The following LGSN variants were observed in gnomAD, a reference collection of about 807,000 sequenced individuals.
LGSN encodes the protein lengsin, lens protein with glutamine synthetase domain.
LGSN carries 21 observed loss-of-function variants against 19.5 expected under a neutral mutation model. The observed-to-expected ratio is 1.07, with a 90% CI of 0.76 to 1.55. The LOEUF (loss-of-function observed/expected upper bound fraction) is 1.55. Ranked by LOEUF, LGSN falls within the 40% of genes most tolerant of loss-of-function variation. The probability of loss-of-function intolerance (pLI) is 0.00; values close to 1 mark genes in which losing one functional copy is unlikely to be tolerated. For synonymous variants in LGSN, 257 were observed against 215.6 expected, an observed-to-expected ratio of 1.19 and a Z score of -1.68; for missense variants, 673 against 608.5, an observed-to-expected ratio of 1.11 and a Z score of -1.12.
At chr6:63,512,152 G>A in the LGSN span, among the ~76,000 whole-genome samples, 15 of 150,512 alleles carry the variant, frequency 1.0e-4, no homozygotes, top group Non-Finnish European at 2.1e-4. Context: ...GTGTGATCTC[G>A]GCTCACCGCA....
chr6:63,531,939 T>C, the LGSN span, among the ~76,000 whole-genome samples: 39,326 of 151,966 alleles, frequency 0.26, 6,007 homozygotes, highest in Admixed American at 0.34. Flanking sequence ...TAGCTGGAAT[T>C]ACAGGCATCC....
the LGSN span, among the ~76,000 whole-genome samples, chr6:63,462,651 CCTAAGAAGTTTA>C: frequency 6.6e-6 from 1 of 152,146 alleles, no homozygotes; most frequent in African/African-American, 2.4e-5. Flanking sequence ...AGCCTTATTA[CCTAAGAAGTTTA>C]CTTCAAACTT....
the LGSN span, among the ~76,000 whole-genome samples, chr6:63,520,435 T>C: frequency 1.1e-4 from 17 of 152,244 alleles, no homozygotes; most frequent in African/African-American, 4.1e-4. Context: ...AAGACCAGCC[T>C]GGCCAATGTG....
chr6:63,355,885 C>T, the LGSN span, among the ~76,000 whole-genome samples: 1 of 152,122 alleles, frequency 6.6e-6, no homozygotes, highest in Admixed American at 6.5e-5. Flanking sequence ...CACCATGTTA[C>T]TCATGCTGGT....
chr6:63,358,120 T>A, the LGSN span, among the ~76,000 whole-genome samples: 1 of 152,252 alleles, frequency 6.6e-6, no homozygotes, highest in Non-Finnish European at 1.5e-5. Flanking sequence ...TTTTGTCAGG[T>A]TCGTCAAAGA....
At chr6:63,314,214 C>T (rs971589411) in intron 1 of LGSN, among the ~76,000 whole-genome samples, 2 of 152,054 alleles carry the variant, frequency 1.3e-5, no homozygotes, top group Admixed American at 6.6e-5. Flanking sequence ...GAGGCTACAG[C>T]CTTCAAGATA....
the LGSN span, among the ~76,000 whole-genome samples, chr6:63,554,088 T>G: frequency 6.6e-6 from 1 of 152,288 alleles, no homozygotes; most frequent in Admixed American, 6.5e-5. Context: ...TTTAAAAACA[T>G]TCAGAAGACT....
the LGSN span, among the ~76,000 whole-genome samples, chr6:63,347,994 T>G: frequency 1.5e-4 from 23 of 152,114 alleles, no homozygotes; most frequent in African/African-American, 5.1e-4. Context: ...CTCTTGAAAA[T>G]TTTCTTAAAA....
chr6:63,476,672 A>G, the LGSN span, among the ~76,000 whole-genome samples: 1 of 152,152 alleles, frequency 6.6e-6, no homozygotes, highest in African/African-American at 2.4e-5. Context: ...GTATCTCAAG[A>G]GGGGAGAGTC....
chr6:63,479,567 G>A, the LGSN span, among the ~76,000 whole-genome samples: 4 of 151,912 alleles, frequency 2.6e-5, no homozygotes, highest in East Asian at 1.9e-4. Context: ...GTGAAACCCC[G>A]TCTCTACTAA....
chr6:63,291,176 C>T (rs1424713001), intron 2 of LGSN, among the ~76,000 whole-genome samples: 4 of 152,170 alleles, frequency 2.6e-5, no homozygotes, highest in Non-Finnish European at 4.4e-5. Context: ...AAGGTGAGCG[C>T]TTTTGGGTTG....
At chr6:63,336,549 G>A in the LGSN span, among the ~76,000 whole-genome samples, 125 of 139,940 alleles carry the variant, frequency 8.9e-4, 1 homozygote, top group African/African-American at 3.4e-3. Context: ...GTGTGTGTGT[G>A]TGTGTGTGTG....
At chr6:63,301,121 T>C (rs1367884219) in intron 1 of LGSN, among the ~76,000 whole-genome samples, 2 of 152,052 alleles carry the variant, frequency 1.3e-5, no homozygotes, top group Non-Finnish European at 2.9e-5. Context: ...TGAAACCCCA[T>C]CTCTACTAAA....
the LGSN span, among the ~76,000 whole-genome samples, chr6:63,526,830 TATA>T: frequency 6.7e-4 from 94 of 140,176 alleles, 1 homozygote; most frequent in African/African-American, 2.3e-3. Flanking sequence ...TATATATATA[TATA>T]TATTTATTTA....
intron 1 of LGSN, among the ~76,000 whole-genome samples, chr6:63,319,092 T>C (rs867788694): frequency 1.3e-5 from 2 of 152,154 alleles, no homozygotes; most frequent in African/African-American, 2.4e-5. Flanking sequence ...TGACTCTATT[T>C]CAAAACAACT....
At position 63,280,085 on chromosome 6, in the gene LGSN, T is replaced by C; in HGVS notation, c.1466A>G (p.Lys489Arg). The C allele has an allele frequency of 6.2e-7, 1 of 1,613,804 alleles. No individual in the cohort carries two copies. The highest frequency in any genetic ancestry group is 8.5e-7 in the Non-Finnish European group (1 of 1,179,850). ...TATTTCTTCATTCTCCAACTCATAT[T>C]TCTTCATGGCAACAAAATATCGAAT... ...TFIRYFVAMK[K>R]YELENEEIAA... The change falls in exon 4 of 4, where the codon AAA (lysine) becomes AGA (arginine). Residue 489 changes from lysine to arginine, a missense_variant. Transcript: ENST00000370657.
chr6:63,319,640 T>C (rs1439106712), intron 1 of LGSN, among the ~76,000 whole-genome samples: 3 of 152,186 alleles, frequency 2.0e-5, no homozygotes, highest in Non-Finnish European at 4.4e-5. Flanking sequence ...AGCATACTTA[T>C]GCTTCTGAAA....
chr6:63,527,916 A>C, the LGSN span: 1 of 152,210 alleles, frequency 6.6e-6, no homozygotes. Flanking sequence ...CAAGCCTAAC[A>C]ATCAGGTCAG....
the LGSN span, among the ~76,000 whole-genome samples, chr6:63,434,439 CAAAAA>C: frequency 1.9e-5 from 2 of 106,010 alleles, no homozygotes; most frequent in Non-Finnish European, 1.8e-5. Flanking sequence ...GACTCCATCT[CAAAAA>C]AAAAAAAAAA....
Sources: allele counts gnomAD v4.1 joint callset (sites outside exome capture counted in the v4.1 genomes callset), GRCh38; gene constraint gnomAD v4.1.1; transcripts MANE v1.5; gene names NCBI Gene and HGNC (gene_info 2026-07-23, HGNC 2026-07-21).